Variants in SDHC observed in about 807,000 individuals in gnomAD.
SDHC encodes the protein succinate dehydrogenase cytochrome b560 subunit, mitochondrial.
SDHC carries 11 observed loss-of-function variants against 22.6 expected under a neutral mutation model. The observed-to-expected ratio is 0.49, with a 90% CI of 0.31 to 0.81. The LOEUF (loss-of-function observed/expected upper bound fraction) is 0.81. Among genes scored for constraint, SDHC ranks in the 30% least tolerant of loss-of-function variants. The probability of loss-of-function intolerance (pLI) is 0.05; values close to 1 mark genes in which losing one functional copy is unlikely to be tolerated. For synonymous variants in SDHC, 80 were observed against 77.8 expected (o/e 1.03, Z -0.15); for missense variants, 160 against 212.0 (o/e 0.75, Z 1.52).
intron 5 of SDHC, among the ~76,000 whole-genome samples, chr1:161,358,648 C>T (rs1448131167): frequency 1.3e-5 from 2 of 150,764 alleles, no homozygotes; most frequent in South Asian, 2.1e-4. Flanking sequence ...AAAAAATAGG[C>T]GGGCACAGTG....
intron 1 of SDHC, 79 bp from the exon 2 acceptor site, chr1:161,323,535 C>T (rs2102295119): frequency 9.6e-7 from 1 of 1,046,974 alleles, no homozygotes; most frequent in East Asian, 2.4e-5. Context: ...TCTATCCCTT[C>T]ACCCCTAAAA....
At chr1:161,325,097 A>G (rs1303252395) in intron 2 of SDHC, among the ~76,000 whole-genome samples, 1 of 151,984 alleles carries the variant, frequency 6.6e-6, no homozygotes, top group Non-Finnish European at 1.5e-5. Flanking sequence ...AGTCCCAGCT[A>G]TGGGGAGGCT....
chr1:161,330,380 G>A (rs1024167335), intron 3 of SDHC, among the ~76,000 whole-genome samples: 1 of 152,208 alleles, frequency 6.6e-6, no homozygotes, highest in Non-Finnish European at 1.5e-5. Context: ...GATAACAACT[G>A]TAGACATTCC....
chr1:161,349,525 A>G (rs1029017194), intron 4 of SDHC, among the ~76,000 whole-genome samples: 1 of 152,210 alleles, frequency 6.6e-6, no homozygotes, highest in Non-Finnish European at 1.5e-5. Context: ...AAGAATCAGA[A>G]CTTTTGTGAG....
chr1:161,359,580 G>T (rs557253102), intron 5 of SDHC, among the ~76,000 whole-genome samples: 25 of 152,304 alleles, frequency 1.6e-4, no homozygotes, highest in Admixed American at 1.2e-3. Context: ...TCAATATGGG[G>T]GTAAGAGAGG....
At chr1:161,339,669 T>G (rs1404593315) in intron 3 of SDHC, 5 of 305,152 alleles carry the variant, frequency 1.6e-5, no homozygotes, top group Admixed American at 1.6e-4. Context: ...GGTGTTTTTT[T>G]TTTTTTTTTT....
chr1:161,331,216 AT>A (rs1260328281), intron 3 of SDHC, among the ~76,000 whole-genome samples: 1 of 151,974 alleles, frequency 6.6e-6, no homozygotes, highest in Non-Finnish European at 1.5e-5. Flanking sequence ...TTTCTCAGGT[AT>A]TAACATAAGG....
chr1:161,331,849 C>A (rs1018877924), intron 3 of SDHC, among the ~76,000 whole-genome samples: 8 of 152,158 alleles, frequency 5.3e-5, no homozygotes, highest in Admixed American at 3.9e-4. Context: ...CCCGCCCTGG[C>A]CTCCCAAAGT....
At chr1:161,322,413 A>T (rs1670869577) in intron 1 of SDHC, among the ~76,000 whole-genome samples, 2 of 152,170 alleles carry the variant, frequency 1.3e-5, no homozygotes, top group Non-Finnish European at 2.9e-5. Context: ...TTTTTTGCAC[A>T]TTATAATAAT....
intron 1 of SDHC, among the ~76,000 whole-genome samples, chr1:161,319,265 C>G (rs549610453): frequency 2.6e-5 from 4 of 152,108 alleles, no homozygotes; most frequent in Non-Finnish European, 5.9e-5. Context: ...TACTGTGGTA[C>G]TATGGATCCA....
chr1:161,348,547 G>A (rs1671985348), intron 4 of SDHC, among the ~76,000 whole-genome samples: 2 of 151,350 alleles, frequency 1.3e-5, no homozygotes, highest in South Asian at 4.2e-4. Flanking sequence ...AGGGCTGGGT[G>A]CGGTAGCTCA....
intron 2 of SDHC, among the ~76,000 whole-genome samples, chr1:161,323,917 C>T (rs769971006): frequency 7.2e-5 from 11 of 152,050 alleles, no homozygotes; most frequent in Non-Finnish European, 1.5e-4. Flanking sequence ...AGGACGGTCT[C>T]GATCTCCTGA....
At chr1:161,326,970 G>A (rs1418621508) in intron 2 of SDHC, among the ~76,000 whole-genome samples, 1 of 151,882 alleles carries the variant, frequency 6.6e-6, no homozygotes, top group Non-Finnish European at 1.5e-5. Flanking sequence ...GTTGCCCAGG[G>A]TGGAGTGCCA....
At chr1:161,328,757 C>CA (rs1277384083) in intron 3 of SDHC, among the ~76,000 whole-genome samples, 5 of 152,220 alleles carry the variant, frequency 3.3e-5, no homozygotes, top group Admixed American at 3.3e-4. Context: ...TCTGGTAAGT[C>CA]AAAATATAAT....
intron 1 of SDHC, among the ~76,000 whole-genome samples, chr1:161,316,219 A>T (rs2102276810): frequency 6.6e-6 from 1 of 152,034 alleles, no homozygotes; most frequent in African/African-American, 2.4e-5. Context: ...AATCCTCTTC[A>T]GCACAGACCC....
rs974667291 is a variant in SDHC at position 161,326,065 on chromosome 1, G to A, written c.78-2331G>A. On this transcript the variant is annotated intron_variant, in intron 2 of 5. Coordinates refer to ENST00000367975, the MANE Select transcript of SDHC (RefSeq NM_003001.5). The stretch of plus-strand genomic sequence containing the variant: ...GAAAATACAAAAATTAGCTGGGCGC[G>A]GTGGCATGTGCCTGTAGTCCCAGCT... 3.9e-5 allele frequency among the ~76,000 whole-genome samples: 6 copies of A among 152,198 alleles called. No homozygotes were observed. In the South Asian group the frequency reaches 6.2e-4, roughly 16 times the overall value.
At chr1:161,327,360 T>C (rs1034822534) in intron 2 of SDHC, among the ~76,000 whole-genome samples, 1 of 152,202 alleles carries the variant, frequency 6.6e-6, no homozygotes, top group African/African-American at 2.4e-5. Context: ...GACATTTTAG[T>C]GTGTAAGTAC....
chr1:161,342,704 A>G (rs1019537631), intron 4 of SDHC, among the ~76,000 whole-genome samples: 1 of 151,960 alleles, frequency 6.6e-6, no homozygotes, highest in African/African-American at 2.4e-5. Context: ...TTTGGTAAAG[A>G]TGGGGTTTCT....
intron 1 of SDHC, among the ~76,000 whole-genome samples, chr1:161,319,652 G>A (rs997666195): frequency 1.3e-5 from 2 of 151,914 alleles, no homozygotes; most frequent in Non-Finnish European, 1.5e-5. Context: ...TCACCATGTC[G>A]GCCAGGCTTG....
Sources: gnomAD v4.1 joint callset for allele counts (sites outside exome capture counted in the v4.1 genomes callset) on GRCh38, gnomAD v4.1.1 for gene constraint, MANE v1.5 for transcripts, NCBI Gene and HGNC (gene_info 2026-07-23, HGNC 2026-07-21) for gene names.